HOOK3: variants seen among roughly 807,000 people sequenced by gnomAD.
The protein encoded by HOOK3 is protein Hook homolog 3.
A neutral mutation model predicts 116.3 loss-of-function variants in HOOK3; 24 were observed. That is an observed-to-expected ratio of 0.21 (90% CI 0.15 to 0.29). The LOEUF (loss-of-function observed/expected upper bound fraction) is 0.29, where lower values mean the gene tolerates loss of function less well. HOOK3 is among the 10% of genes least tolerant of loss of function. HOOK3 has a pLI of 1.00. For synonymous variants in HOOK3, 275 were observed against 283.0 expected (o/e 0.97, Z 0.28); for missense variants, 632 against 830.2 (o/e 0.76, Z 2.93).
At chr8:42,939,968 G>A (rs1022477554) in intron 4 of HOOK3, among the ~76,000 whole-genome samples, 2 of 150,642 alleles carry the variant, frequency 1.3e-5, no homozygotes, top group South Asian at 2.1e-4. Context: ...ATGGGATGGC[G>A]GCCGGGCAGA....
At position 42,982,509 on chromosome 8, in the gene HOOK3, G is replaced by A. The variant is rs897110555; in HGVS notation, c.1322-118G>A. 7.2e-6 allele frequency: 5 copies of A among 697,064 alleles called. No homozygotes were observed. In the African/African-American group the frequency reaches 8.9e-5, roughly 12 times the overall value. 43.2% of individuals were successfully genotyped at this position (697,064 alleles called of 1,614,324 possible). On this transcript the variant is annotated intron_variant, in intron 13 of 21. Coordinates refer to ENST00000307602, the MANE Select transcript of HOOK3 (RefSeq NM_032410.4). ...AATATTTTAAGACCACTGTGACGTG[G>A]TCCTTTACTTGAAAATGATTTTTGC...
intron 15 of HOOK3, among the ~76,000 whole-genome samples, chr8:42,991,377 CT>C (rs2130458784): frequency 6.9e-6 from 1 of 144,030 alleles, no homozygotes; most frequent in East Asian, 2.0e-4. Context: ...AGATAGATAG[CT>C]TTGGATAGTA....
At chr8:42,939,779 G>A (rs60688820) in intron 4 of HOOK3, among the ~76,000 whole-genome samples, 157 of 149,672 alleles carry the variant, frequency 1.0e-3, no homozygotes, top group Middle Eastern at 3.7e-3. Context: ...GGCAGCTGCC[G>A]GGCAGAGGGT....
At chr8:42,970,307 A>T (rs930947748) in intron 11 of HOOK3, among the ~76,000 whole-genome samples, 2 of 152,220 alleles carry the variant, frequency 1.3e-5, no homozygotes, top group Non-Finnish European at 2.9e-5. Context: ...TTCCTACACC[A>T]ATATCACACT....
At chr8:42,949,346 C>T (rs1332812712) in intron 5 of HOOK3, 4 of 152,132 alleles carry the variant, frequency 2.6e-5, no homozygotes, top group Admixed American at 2.6e-4. Flanking sequence ...GATGGAGTTG[C>T]TGCTTTAGCT....
At chr8:42,918,164 C>A (rs1005847716) in intron 2 of HOOK3, among the ~76,000 whole-genome samples, 2 of 151,438 alleles carry the variant, frequency 1.3e-5, no homozygotes, top group Non-Finnish European at 2.9e-5. Flanking sequence ...ATGGTGAAAC[C>A]CTGTCTCTAC....
At position 43,010,425 on chromosome 8, in the gene HOOK3, G is replaced by T. The variant is rs768325269; in HGVS notation, c.1839+20G>T. 8.1e-6 allele frequency: 8 copies of T among 989,320 alleles called. No homozygotes were observed. Among genetic ancestry groups the T allele is most frequent in the South Asian group, 1.8e-5 (1 of 56,256 alleles). The allele number at this position is 989,320 out of a possible 1,614,324, so 61.3% of individuals were successfully genotyped here. On this transcript the variant is annotated intron_variant, in intron 19 of 21. Transcript: ENST00000307602. ...AAAAGTGTAAGTATGAATTTTGTAG[G>T]CATCTCACTCTACCTTCTGATCACA...
In HOOK3 at chr8:43,007,947, G is replaced by A; in HGVS notation, c.1738+18G>A. ...CAACAGCTGTGAGTTTTCCTAATTA[G>A]GATAGTTTTTAAGTGGGCTTGCTGT... On this transcript the variant is annotated intron_variant, in intron 18 of 21. Coordinates refer to ENST00000307602, the MANE Select transcript of HOOK3 (RefSeq NM_032410.4). 1 of 1,503,480 alleles carries A rather than the reference G, an allele frequency of 6.7e-7. No homozygotes were observed. The highest frequency in any genetic ancestry group is 9.2e-7 in the Non-Finnish European group (1 of 1,087,930). 93.1% of individuals were successfully genotyped at this position (1,503,480 alleles called of 1,614,324 possible). A position where few individuals can be genotyped will look rare whatever the true frequency, so the allele number is the denominator to read the frequency against.
chr8:43,001,864 A>G (rs986820381), intron 16 of HOOK3, among the ~76,000 whole-genome samples: 25 of 152,198 alleles, frequency 1.6e-4, no homozygotes, highest in African/African-American at 5.5e-4. Context: ...CCCGACTATA[A>G]ATAGAGAATT....
chr8:42,996,668 A>T (rs1289817203), intron 15 of HOOK3, among the ~76,000 whole-genome samples: 2 of 151,748 alleles, frequency 1.3e-5, no homozygotes, highest in Admixed American at 1.3e-4. Context: ...GGACATACTG[A>T]CCTCTGTCTT....
chr8:42,961,945 C>T (rs571230081), intron 8 of HOOK3, among the ~76,000 whole-genome samples: 1 of 152,242 alleles, frequency 6.6e-6, no homozygotes, highest in South Asian at 2.1e-4. Flanking sequence ...TGCCACCACA[C>T]CCAGCTAATT....
At chr8:42,910,436 C>T (rs569189737) in intron 2 of HOOK3, among the ~76,000 whole-genome samples, 15 of 152,126 alleles carry the variant, frequency 9.9e-5, no homozygotes, top group Admixed American at 5.2e-4. Flanking sequence ...ATATGTTTTG[C>T]GTATCTCCTA....
At chr8:42,942,484 C>G (rs1808147268) in intron 4 of HOOK3, among the ~76,000 whole-genome samples, 1 of 152,186 alleles carries the variant, frequency 6.6e-6, no homozygotes. Context: ...CACCTCCTGT[C>G]CAGGGAAAAC....
chr8:42,901,339 CTATCCTGAAATAGATGT>C (rs1649905948), intron 1 of HOOK3, among the ~76,000 whole-genome samples: 1 of 152,154 alleles, frequency 6.6e-6, no homozygotes. Flanking sequence ...TATTGTACTG[CTATCCTGAAATAGATGT>C]TAGCTCAGAG....
intron 4 of HOOK3, among the ~76,000 whole-genome samples, chr8:42,940,457 CAGAGGGAGACCGTGGAAAGAGAGGG>C (rs1231160489): frequency 7.9e-5 from 12 of 152,330 alleles, no homozygotes; most frequent in South Asian, 2.1e-4. Context: ...GGCTCGGCAT[CAGAGGGAGACCGTGGAAAGAGAGGG>C]AGAGGGAGAC....
chr8:42,979,246 T>C (rs1037584330), intron 13 of HOOK3, among the ~76,000 whole-genome samples: 1 of 152,218 alleles, frequency 6.6e-6, no homozygotes, highest in Non-Finnish European at 1.5e-5. Flanking sequence ...CACTCCAGCA[T>C]AGGTGACCGA....
chr8:42,963,305 A>G (rs772277917), intron 8 of HOOK3, among the ~76,000 whole-genome samples: 91 of 152,338 alleles, frequency 6.0e-4, no homozygotes, highest in Non-Finnish European at 8.7e-4. Flanking sequence ...AATGGCTCCA[A>G]TGAACATTTC....
chr8:43,028,138 T>G lies in HOOK3; in HGVS notation c.*9640T>G, dbSNP rs1435795123. 1 of 185,890 alleles carries G rather than the reference T, an allele frequency of 5.4e-6. No individual in the cohort carries two copies. Among genetic ancestry groups the G allele is most frequent in the Non-Finnish European group, 1.1e-5 (1 of 87,994 alleles). 11.5% of individuals were successfully genotyped at this position (185,890 alleles called of 1,614,324 possible). A position where few individuals can be genotyped will look rare whatever the true frequency, so the allele number is the denominator to read the frequency against. On this transcript the variant is annotated 3_prime_UTR_variant, in exon 22 of 22. Coordinates refer to ENST00000307602, the MANE Select transcript of HOOK3 (RefSeq NM_032410.4). ...TTATTTTTCAAGTGATAAAATCATT[T>G]TATAAATCATTTCTTAATATCTTCA...
chr8:42,916,307 T>G (rs1807532541), intron 2 of HOOK3, among the ~76,000 whole-genome samples: 1 of 152,240 alleles, frequency 6.6e-6, no homozygotes, highest in South Asian at 2.1e-4. Flanking sequence ...TTATCTTTTT[T>G]TGGCTTTTTG....
Sources: gnomAD v4.1 joint callset for allele counts (sites outside exome capture counted in the v4.1 genomes callset) on GRCh38, gnomAD v4.1.1 for gene constraint, MANE v1.5 for transcripts, NCBI Gene and HGNC (gene_info 2026-07-23, HGNC 2026-07-21) for gene names.